The following SLC4A2 variants were observed in gnomAD, a reference collection of about 807,000 sequenced individuals.
SLC4A2 encodes anion exchange protein 2.
In SLC4A2, 36 loss-of-function variants were observed where a neutral mutation model predicts 115.0. The ratio of observed to expected loss-of-function variants is 0.31; its 90% confidence interval spans 0.24 to 0.41. The LOEUF (loss-of-function observed/expected upper bound fraction) is 0.41, where lower values mean the gene tolerates loss of function less well. Among genes scored for constraint, SLC4A2 ranks in the 10% least tolerant of loss-of-function variants. The pLI is 1.00. For missense variants in SLC4A2, 1,252 were observed against 1,705.6 expected (o/e 0.73, Z 4.68); for synonymous variants, 708 against 708.3 (o/e 1.00, Z 0.01).
intron 19 of SLC4A2, 166 bp downstream of exon 19, chr7:151,075,007 T>C: frequency 1.1e-6 from 1 of 886,740 alleles, no homozygotes; most frequent in South Asian, 1.7e-5. Flanking sequence ...AACCCCGATG[T>C]TTGCTGGGAC....
rs1797441876 is a variant in SLC4A2, at chr7:151,071,597, G to C, written c.2183G>C (p.Gly728Ala). ...CTGTCTCCTGCCATCACCTTTGGGG[G>C]GCTGCTGGGTGAGGAGAGCCTTCAG... ...AALSPAITFG[G>A]LLGEKTQDLI... The change falls in exon 14 of 23, where the codon GGG (glycine) becomes GCG (alanine). Residue 728 changes from glycine (G) to alanine (A), a missense_variant. Physicochemically the swap from Gly to Ala is moderately conservative, Grantham distance 60. Around this residue, in one of 14 missense-constraint regions of SLC4A2, gnomAD observed 118 missense variants for 203.3 expected, o/e 0.58. Transcript: ENST00000413384. This position sits in a 1 kb window ranked among gnomAD's most constrained non-coding sequence, Gnocchi z 5.5. 1 of 1,613,826 alleles carries C rather than the reference G, an allele frequency of 6.2e-7. No homozygotes were observed. Among genetic ancestry groups the C allele is most frequent in the African/African-American group, 1.3e-5 (1 of 74,926 alleles).
intron 8 of SLC4A2, among the ~76,000 whole-genome samples, chr7:151,069,042 G>T (rs77524970): frequency 3.3e-5 from 5 of 149,694 alleles, no homozygotes; most frequent in African/African-American, 9.8e-5. Context: ...GAGAGGCTGA[G>T]GCAGGAGAAT....
At chr7:151,062,672 G>C (rs1357188538) in intron 2 of SLC4A2, 101 of 1,515,286 alleles carry the variant, frequency 6.7e-5, no homozygotes, top group Non-Finnish European at 8.7e-5. Flanking sequence ...AGGTGCGAGG[G>C]GTCTGCGACC....
In SLC4A2 at chr7:151,074,446, C is replaced by T. The variant is rs760707148; in HGVS notation, c.2838C>T (p.Ile946=). 3 of 1,614,092 alleles carry T rather than the reference C, an allele frequency of 1.9e-6. No individual in the cohort carries two copies. The highest frequency in any genetic ancestry group is 2.2e-5 in the South Asian group (2 of 91,088). Residue 946 remains isoleucine (I), a synonymous_variant, in exon 18 of 23, where the codon ATC becomes ATT. Coordinates refer to ENST00000413384, the MANE Select transcript of SLC4A2 (RefSeq NM_003040.4). ...GDFGVPIAIL[I]MVLVDYSIED... ...TTGGGGTGCCCATCGCCATCCTCAT[C>T]ATGGTGCTTGTGGATTACAGTATTG...
In SLC4A2 at chr7:151,064,736, C is replaced by G; in HGVS notation, c.428C>G (p.Pro143Arg). The change falls in exon 4 of 23, where the codon CCG becomes CGG. Residue 143 changes from proline to arginine, a missense_variant. Transcript: ENST00000413384. ...EAEGARALTQ[P>R]SPVSTPSSVQ... ...GAGGGGGCCCGGGCTCTCACTCAGC[C>G]GTCCCCTGTCTCCACACCCTCCTCG... is the stretch of plus-strand genomic sequence containing the variant. 2 of 1,611,028 alleles carry G rather than the reference C, an allele frequency of 1.2e-6. No individual in the cohort carries two copies. The highest frequency in any genetic ancestry group is 8.5e-7 in the Non-Finnish European group (1 of 1,178,092).
chr7:151,066,476 A>C, intron 5 of SLC4A2, 41 bp from the exon 6 acceptor site: 1 of 1,459,542 alleles, frequency 6.9e-7, no homozygotes, highest in African/African-American at 1.4e-5. Context: ...GTGGGGGAGG[A>C]GGCCAGGTTT....
intron 5 of SLC4A2, among the ~76,000 whole-genome samples, chr7:151,065,235 CA>C (rs1374898809): frequency 6.6e-6 from 1 of 152,182 alleles, no homozygotes; most frequent in Non-Finnish European, 1.5e-5. Context: ...TTTAGCCTGG[CA>C]AAGAACACGC....
chr7:151,074,988 C>G, intron 19 of SLC4A2, 147 bp downstream of exon 19: 1 of 935,498 alleles, frequency 1.1e-6, no homozygotes, highest in Non-Finnish European at 1.6e-6. Context: ...ATTCTGTAGA[C>G]AGCAGAAAAA....
At position 151,070,853 on chromosome 7, in the gene SLC4A2, G is replaced by T. The variant is rs1797412231; in HGVS notation, c.1691G>T (p.Ser564Ile). The T allele has an allele frequency of 6.2e-7, 1 of 1,613,824 alleles. No homozygotes were observed. Among genetic ancestry groups the T allele is most frequent in the Non-Finnish European group, 8.5e-7 (1 of 1,180,014 alleles). ...CTCTTCCTGCTGCTGGGCCCGAGTA[G>T]TGCCAACATGGACTACCACGAGATC... Reference protein sequence around the residue: ...RFLFLLLGPSSANMDYHEIGR... With the variant: ...RFLFLLLGPSIANMDYHEIGR... The change falls in exon 12 of 23, where the codon AGT (serine) becomes ATT (isoleucine). Residue 564 changes from serine to isoleucine, a missense_variant. Ser to Ile is a moderately radical substitution (Grantham distance 142, BLOSUM62 -2). Around this residue, in one of 14 missense-constraint regions of SLC4A2, gnomAD observed 87 missense variants for 170.3 expected, o/e 0.51. Transcript: ENST00000413384.
rs1797422943 is a variant in SLC4A2, at chr7:151,071,160, C to A, written c.1838C>A (p.Pro613Gln). The stretch of plus-strand genomic sequence containing the variant: ...TTCCTGGACTGCAGCGTGGTGCTGC[C>A]GCCTTCAGAAGTGCAGGGCGAGGAG... ...NAFLDCSVVL[P>Q]PSEVQGEELL... is the part of the protein sequence containing the mutation. The change falls in exon 13 of 23, where the codon CCG becomes CAG. Residue 613 changes from proline (P) to glutamine (Q), a missense_variant. Pro to Gln is a moderately conservative substitution (Grantham distance 76, BLOSUM62 -1). Coordinates refer to ENST00000413384, the MANE Select transcript of SLC4A2 (RefSeq NM_003040.4). This position sits in a 1 kb window ranked among gnomAD's most constrained non-coding sequence, Gnocchi z 5.5. 1 of 1,612,506 alleles carries A rather than the reference C, an allele frequency of 6.2e-7. No individual in the cohort carries two copies. Among genetic ancestry groups the A allele is most frequent in the African/African-American group, 1.3e-5 (1 of 74,930 alleles).
intron 2 of SLC4A2, 129 bp downstream of exon 2, chr7:151,062,167 T>C: frequency 2.6e-6 from 2 of 769,678 alleles, no homozygotes; most frequent in Non-Finnish European, 4.4e-6. Flanking sequence ...GATGCTGCCA[T>C]CCCTACCCTG....
Position 151,074,178 on chromosome 7 carries a change from G to A in SLC4A2, c.2675G>A (p.Gly892Glu). 1 of 1,612,928 alleles carries A rather than the reference G, an allele frequency of 6.2e-7. No individual in the cohort carries two copies. Among genetic ancestry groups the A allele is most frequent in the Non-Finnish European group, 8.5e-7 (1 of 1,179,988 alleles). ...AGCTTGGCTGGGCAGTCTGGGCAGG[G>A]GAAGCCCCGGGGCCAGCCCAACACG... ...NRSLAGQSGQ[G>E]KPRGQPNTAL... Residue 892 changes from glycine to glutamate, a missense_variant, in exon 17 of 23, where the codon GGG (glycine) becomes GAG (glutamate). Transcript: ENST00000413384.
In SLC4A2 at chr7:151,064,223, C is replaced by T. The variant is rs1210105979; in HGVS notation, c.73C>T (p.Pro25Ser). 6.2e-7 allele frequency: 1 copy of T among 1,612,376 alleles called. No homozygotes were observed. The highest frequency in any genetic ancestry group is 1.3e-5 in the African/African-American group (1 of 74,922). Reference protein sequence around the residue: ...FCTPEPESLGPGTPGFPEQEE... With the variant: ...FCTPEPESLGSGTPGFPEQEE... ...ACAGCCAGAGCCAGAGAGCTTGGGC[C>T]CTGGGACGCCTGGGTTCCCCGAGCA... is the stretch of plus-strand genomic sequence containing the variant. Residue 25 changes from proline to serine, a missense_variant, in exon 3 of 23, where the codon CCT becomes TCT. By Grantham distance (74) the Pro-to-Ser change is moderately conservative. Around this residue, in one of 14 missense-constraint regions of SLC4A2, gnomAD observed 74 missense variants for 85.3 expected, o/e 0.87. Coordinates refer to ENST00000413384, the MANE Select transcript of SLC4A2 (RefSeq NM_003040.4).
chr7:151,070,655 G>A (rs1797404008), intron 11 of SLC4A2, 72 bp from the exon 12 acceptor site: 1 of 1,601,926 alleles, frequency 6.2e-7, no homozygotes, highest in Non-Finnish European at 8.5e-7. Flanking sequence ...CTGCCTTGGT[G>A]CCACCCTGGG....
chr7:151,067,835 G>A lies in SLC4A2; in HGVS notation c.967-39G>A, dbSNP rs781330535. ...TGACACCCACCCCAGGGCTGCCTCC[G>A]GCTCTGTACCCTGAAATGCCTTCTC... is the stretch of plus-strand genomic sequence containing the variant. On this transcript the variant is annotated intron_variant, in intron 7 of 22. Transcript: ENST00000413384. The A allele has an allele frequency of 1.7e-5, 27 of 1,595,800 alleles. 1 individual carries two copies. The highest frequency in any genetic ancestry group is 1.9e-4 in the Middle Eastern group (1 of 5,296).
At chr7:151,073,441 G>A (rs1323686099) in intron 16 of SLC4A2, among the ~76,000 whole-genome samples, 1 of 151,694 alleles carries the variant, frequency 6.6e-6, no homozygotes, top group Non-Finnish European at 1.5e-5. Flanking sequence ...TGCCCACCAC[G>A]CCCAGCTAGT....
rs1280110464 is a variant in SLC4A2, at chr7:151,064,153, C to G, written c.52-49C>G. 8 of 1,592,186 alleles carry G rather than the reference C, an allele frequency of 5.0e-6. No individual in the cohort carries two copies. The East Asian group carries it at 1.8e-4, about 36-fold the overall frequency. On this transcript the variant is annotated intron_variant, in intron 2 of 22. Transcript: ENST00000413384. ...CTGGGAAGGGTGAGGTTTCGGGGTA[C>G]AATTCCCAGTGAGCCCTGTGTGTTT...
Position 151,070,273 on chromosome 7 carries a change from C to T in SLC4A2, c.1376C>T (p.Ala459Val), listed in dbSNP as rs140685664. 1,828 of 1,613,918 alleles carry T rather than the reference C, an allele frequency of 1.1e-3. 4 individuals carry two copies. Among genetic ancestry groups the T allele is most frequent in the South Asian group, 1.6e-3 (143 of 91,070 alleles). ...CTGGGGCATCACCATGGTCAGGGGG[C>T]TGAGAGTGACCCCCACGTCACCGAG... ...SLLGHHHGQGAESDPHVTEPL... is the reference protein window; with the variant it reads ...SLLGHHHGQGVESDPHVTEPL... The change falls in exon 10 of 23, where the codon GCT (alanine) becomes GTT (valine). Residue 459 changes from alanine to valine, a missense_variant. Coordinates refer to ENST00000413384, the MANE Select transcript of SLC4A2 (RefSeq NM_003040.4).
rs377555520 is a variant in SLC4A2, at chr7:151,070,732, G to C, written c.1570G>C (p.Val524Leu). 1 of 1,613,170 alleles carries C rather than the reference G, an allele frequency of 6.2e-7. No individual in the cohort carries two copies. Among genetic ancestry groups the C allele is most frequent in the Non-Finnish European group, 8.5e-7 (1 of 1,179,978 alleles). Residue 524 changes from valine (V) to leucine (L), a missense_variant, in exon 12 of 23, where the codon GTG becomes CTG. Around this residue, in one of 14 missense-constraint regions of SLC4A2, gnomAD observed 87 missense variants for 170.3 expected, o/e 0.51. Coordinates refer to ENST00000413384, the MANE Select transcript of SLC4A2 (RefSeq NM_003040.4). Reference protein sequence around the residue: ...AEATVVLVGCVEFLSRPTMAF... With the variant: ...AEATVVLVGCLEFLSRPTMAF... ...CGATGGTCCCACGCCCCTAGGCTGCGTGGAGTTCCTCTCCCGCCCCACCAT... is the reference window on the plus strand; with the variant it reads ...CGATGGTCCCACGCCCCTAGGCTGCCTGGAGTTCCTCTCCCGCCCCACCAT...
Sources: allele counts gnomAD v4.1 joint callset (sites outside exome capture counted in the v4.1 genomes callset), GRCh38; gene constraint gnomAD v4.1.1; regional missense constraint gnomAD v4.1.1; non-coding constraint Gnocchi (gnomAD v3.1); transcripts MANE v1.5; gene names NCBI Gene and HGNC (gene_info 2026-07-23, HGNC 2026-07-21).